The following PARD3B variants were observed in gnomAD, a reference collection of about 807,000 sequenced individuals.
PARD3B encodes par-3 family cell polarity regulator beta, also known as partitioning defective 3 homolog B.
Under a neutral mutation model 130.2 loss-of-function variants are expected in PARD3B, and 103 were observed. That is an observed-to-expected ratio of 0.79 (90% CI 0.67 to 0.93). The LOEUF (loss-of-function observed/expected upper bound fraction) is 0.93, where lower values mean the gene tolerates loss of function less well. Among genes scored for constraint, PARD3B ranks in the 40% least tolerant of loss-of-function variants. The pLI is 0.00. For missense variants in PARD3B, 1,609 were observed against 1,499.2 expected, an observed-to-expected ratio of 1.07 and a Z score of -1.21; for synonymous variants, 583 against 553.2, an observed-to-expected ratio of 1.05 and a Z score of -0.76.
intron 16 of PARD3B, among the ~76,000 whole-genome samples, chr2:205,284,609 A>G (rs2041317575): frequency 6.6e-6 from 1 of 152,144 alleles, no homozygotes; most frequent in South Asian, 2.1e-4. Context: ...ATAATAGAAA[A>G]CAATCCTGCT....
intron 20 of PARD3B, among the ~76,000 whole-genome samples, chr2:205,497,886 C>G (rs893984922): frequency 7.2e-5 from 11 of 151,966 alleles, no homozygotes; most frequent in African/African-American, 2.4e-4. Context: ...CAAAATACCC[C>G]CAAACTATGG....
intron 2 of PARD3B, among the ~76,000 whole-genome samples, chr2:204,752,554 G>A (rs1475310116): frequency 1.3e-5 from 2 of 151,954 alleles, no homozygotes; most frequent in African/African-American, 2.4e-5. Context: ...TTTCATTTTT[G>A]CCTTAGAGAT....
intron 22 of PARD3B, among the ~76,000 whole-genome samples, chr2:205,560,144 C>T (rs1260244325): frequency 6.6e-6 from 1 of 152,190 alleles, no homozygotes; most frequent in Admixed American, 6.5e-5. Context: ...CGAGTTTGTT[C>T]ATTTTAACCA....
intron 14 of PARD3B, among the ~76,000 whole-genome samples, chr2:205,191,463 C>A (rs1423367460): frequency 1.3e-5 from 2 of 152,122 alleles, no homozygotes; most frequent in Admixed American, 6.6e-5. Context: ...TAGTCACAGA[C>A]TTGCTGAGAG....
Position 205,176,691 on chromosome 2 carries a change from C to CT in PARD3B, c.1924+117dup. 1 of 1,169,714 alleles carries CT rather than the reference C, an allele frequency of 8.5e-7. No homozygotes were observed. Among genetic ancestry groups the CT allele is most frequent in the Non-Finnish European group, 1.2e-6 (1 of 866,706 alleles). 72.5% of individuals were successfully genotyped at this position (1,169,714 alleles called of 1,614,324 possible). ...GGGAGTTAATTAGACTAAGTGCAGA[C>CT]TTTGTTACTCGGAGTCACAAACACT... On this transcript the variant is annotated intron_variant, in intron 13 of 22. Transcript: ENST00000406610. This position sits in a 1 kb window ranked among gnomAD's most constrained non-coding sequence, Gnocchi z 5.3.
At chr2:205,535,341 T>C (rs2106442548) in intron 21 of PARD3B, among the ~76,000 whole-genome samples, 1 of 152,260 alleles carries the variant, frequency 6.6e-6, no homozygotes, top group South Asian at 2.1e-4. Flanking sequence ...TCAGACTCTT[T>C]ATTTGGTTCC....
intron 18 of PARD3B, among the ~76,000 whole-genome samples, chr2:205,380,173 A>G (rs1483014286): frequency 2.6e-5 from 1 of 37,824 alleles, no homozygotes; most frequent in Non-Finnish European, 7.7e-5. Flanking sequence ...TATATATTAT[A>G]TAATATGTAA....
At chr2:205,184,757 AATAAATATATACACACACACACAC>A (rs2035995797) in intron 13 of PARD3B, among the ~76,000 whole-genome samples, 1 of 151,298 alleles carries the variant, frequency 6.6e-6, no homozygotes, top group Non-Finnish European at 1.5e-5. Context: ...TAATAATAAT[AATAAATATATACACACACACACAC>A]ATATATATAT....
chr2:205,154,226 A>C (rs188204258), intron 10 of PARD3B, among the ~76,000 whole-genome samples: 490 of 152,374 alleles, frequency 3.2e-3, no homozygotes, highest in African/African-American at 9.6e-3. Flanking sequence ...CCCATCCAAA[A>C]GTGGGTGAAG....
Position 205,067,758 on chromosome 2 carries a change from A to G in PARD3B, c.504+20068A>G, listed in dbSNP as rs867133094. Among the ~76,000 whole-genome samples the G allele has an allele frequency of 2.6e-5, 4 of 152,240 alleles. No individual in the cohort carries two copies. The South Asian group carries it at 8.3e-4, about 32-fold the overall frequency. The stretch of plus-strand genomic sequence containing the variant: ...TTTATGAAATGCTATTTCTGTGTTT[A>G]TTTAGATGATGCTATTTTTTCTTTT... On this transcript the variant is annotated intron_variant, in intron 4 of 22. Coordinates refer to ENST00000406610, the MANE Select transcript of PARD3B (RefSeq NM_001302769.2).
At chr2:205,000,542 T>C (rs1353143442) in intron 3 of PARD3B, among the ~76,000 whole-genome samples, 1 of 152,198 alleles carries the variant, frequency 6.6e-6, no homozygotes, top group Non-Finnish European at 1.5e-5. Flanking sequence ...TACAACCCTT[T>C]TAAGGAGATA....
intron 10 of PARD3B, among the ~76,000 whole-genome samples, chr2:205,155,945 A>G (rs561264998): frequency 6.6e-5 from 10 of 152,242 alleles, no homozygotes; most frequent in Non-Finnish European, 1.5e-4. Flanking sequence ...TCATGCTGCT[A>G]TAAAGACACA....
rs575078205 is a variant in PARD3B, at chr2:204,775,666, A to G, written c.222+89384A>G. On this transcript the variant is annotated intron_variant, in intron 2 of 22. Transcript: ENST00000406610. Reference sequence around the variant, plus strand: ...TGCTGCCTTCTGAGTCTACTAAAGCATGTAATCCTCTTTGTTTACCTCCCC... The same window carrying G: ...TGCTGCCTTCTGAGTCTACTAAAGCGTGTAATCCTCTTTGTTTACCTCCCC... 2.0e-5 allele frequency among the ~76,000 whole-genome samples: 3 copies of G among 152,242 alleles called. No individual in the cohort carries two copies. The South Asian group carries it at 6.2e-4, about 32-fold the overall frequency.
At chr2:204,693,007 T>A (rs1362067550) in intron 2 of PARD3B, among the ~76,000 whole-genome samples, 1 of 152,044 alleles carries the variant, frequency 6.6e-6, no homozygotes, top group Non-Finnish European at 1.5e-5. Flanking sequence ...CTCATGCAGA[T>A]CAAAACTACT....
chr2:204,581,941 C>T (rs985345219), intron 1 of PARD3B, among the ~76,000 whole-genome samples: 14 of 152,120 alleles, frequency 9.2e-5, no homozygotes, highest in African/African-American at 3.1e-4. Flanking sequence ...AGACTTTTCC[C>T]CAATTTGTAA....
At chr2:204,657,577 G>A (rs1332018452) in intron 1 of PARD3B, among the ~76,000 whole-genome samples, 1 of 152,108 alleles carries the variant, frequency 6.6e-6, no homozygotes, top group East Asian at 1.9e-4. Context: ...GAAGAGAACT[G>A]GGACTGAATT....
At chr2:205,343,784 C>T (rs943049306) in intron 18 of PARD3B, among the ~76,000 whole-genome samples, 2 of 151,788 alleles carry the variant, frequency 1.3e-5, no homozygotes, top group African/African-American at 4.8e-5. Flanking sequence ...TTACCACCAC[C>T]CCCCACCCAC....
Position 205,605,285 on chromosome 2 carries a change from G to A in PARD3B, c.3261-10171G>A, listed in dbSNP as rs565876297. 7.2e-5 allele frequency among the ~76,000 whole-genome samples: 11 copies of A among 152,244 alleles called. No homozygotes were observed. The South Asian group carries it at 1.9e-3, about 26-fold the overall frequency. ...GTTACAATCGTTTGGAGGAAAAGAG[G>A]CACTCTGGCTTTTTAAGTTTTCATC... On this transcript the variant is annotated intron_variant, in intron 22 of 22. Coordinates refer to ENST00000406610, the MANE Select transcript of PARD3B (RefSeq NM_001302769.2).
chr2:204,716,257 T>C (rs1205577026), intron 2 of PARD3B, among the ~76,000 whole-genome samples: 1 of 151,868 alleles, frequency 6.6e-6, no homozygotes, highest in African/African-American at 2.4e-5. Flanking sequence ...AGTGCCTTGC[T>C]ACTCAGAGTG....
Sources: allele counts gnomAD v4.1 joint callset (sites outside exome capture counted in the v4.1 genomes callset), GRCh38; gene constraint gnomAD v4.1.1; non-coding constraint Gnocchi (gnomAD v3.1); transcripts MANE v1.5; gene names NCBI Gene and HGNC (gene_info 2026-07-23, HGNC 2026-07-21).